DYM: variants seen among roughly 807,000 people sequenced by gnomAD.
DYM encodes the protein dymeclin, also known as dyggve-Melchior-Clausen syndrome protein.
Under a neutral mutation model 93.1 loss-of-function variants are expected in DYM, and 78 were observed. That is an observed-to-expected ratio of 0.84 (90% CI 0.70 to 1.01). DYM has a LOEUF of 1.01. DYM is among the 50% of genes least tolerant of loss of function. The pLI, the probability that DYM is intolerant of heterozygous loss-of-function variation, is 0.00. For synonymous variants in DYM, 321 were observed against 319.7 expected, an observed-to-expected ratio of 1.00 and a Z score of -0.04; for missense variants, 789 against 845.0, an observed-to-expected ratio of 0.93 and a Z score of 0.82.
chr18:49,266,562 G>A (rs865796058), intron 11 of DYM, among the ~76,000 whole-genome samples: 1 of 152,322 alleles, frequency 6.6e-6, no homozygotes, highest in African/African-American at 2.4e-5. Flanking sequence ...AGTGAGCAGC[G>A]ATTGTGCCAC....
chr18:49,201,254 T>C (rs1171182223), intron 14 of DYM, among the ~76,000 whole-genome samples: 1 of 152,234 alleles, frequency 6.6e-6, no homozygotes, highest in Admixed American at 6.5e-5. Context: ...CAGTTCCTAC[T>C]AATATTTCAT....
intron 14 of DYM, among the ~76,000 whole-genome samples, chr18:49,202,982 G>A (rs1470342733): frequency 3.3e-5 from 3 of 92,058 alleles, no homozygotes; most frequent in African/African-American, 4.0e-5. Context: ...CCGGCCAGCC[G>A]TGCCATCCGG....
chr18:49,158,595 GACATTTCCATCA>G (rs1490280719), intron 15 of DYM, among the ~76,000 whole-genome samples: 1 of 152,070 alleles, frequency 6.6e-6, no homozygotes, highest in African/African-American at 2.4e-5. Context: ...ATCTTTAAGG[GACATTTCCATCA>G]AGAACTAATA....
rs188487077 is a variant in DYM at position 49,407,106 on chromosome 18, C to T, written c.141-15461G>A. On this transcript the variant is annotated intron_variant, in intron 2 of 17. Transcript: ENST00000675505. ...GAAAAGAGCCCTTCTCAAAATGTTA[C>T]GTAATGTAAAATTCCATTTACATAA... Among the ~76,000 whole-genome samples the T allele has an allele frequency of 3.7e-4, 57 of 152,218 alleles. 1 individual carries two copies. The highest frequency in any genetic ancestry group is 1.3e-3 in the African/African-American group (53 of 41,546).
chr18:49,284,208 C>T (rs1160488958), intron 9 of DYM, among the ~76,000 whole-genome samples: 1 of 152,142 alleles, frequency 6.6e-6, no homozygotes, highest in Non-Finnish European at 1.5e-5. Context: ...ACATTACTAG[C>T]TAATAAATGC....
chr18:49,451,628 A>G (rs1407358175), intron 1 of DYM, among the ~76,000 whole-genome samples: 1 of 152,250 alleles, frequency 6.6e-6, no homozygotes, highest in Non-Finnish European at 1.5e-5. Context: ...ACAGAGTTCC[A>G]TCGAAGCCAA....
chr18:49,275,655 T>C (rs142391222), intron 10 of DYM, among the ~76,000 whole-genome samples: 96 of 152,152 alleles, frequency 6.3e-4, no homozygotes, highest in Admixed American at 1.4e-3. Flanking sequence ...TGTGGGAGGA[T>C]TGCTTGAGGC....
chr18:49,257,061 AT>A lies in DYM; in HGVS notation c.1408del (p.Met470CysfsTer61). The A allele has an allele frequency of 1.9e-6, 3 of 1,614,070 alleles. No individual in the cohort carries two copies. Among genetic ancestry groups the A allele is most frequent in the Non-Finnish European group, 2.5e-6 (3 of 1,179,942 alleles). ...ATGGAGAGAACGAAACTGTGCCGAC[AT>A]ATTTGCTAAAGCTGCCAAACAATTT... ...HTNCLAALAN[M>X]SAQFRSLHQY... On this transcript the variant is annotated frameshift_variant, in exon 13 of 18. Transcript: ENST00000675505. LOFTEE classifies it high-confidence loss of function.
chr18:49,142,004 C>A (rs2084553920), intron 15 of DYM, among the ~76,000 whole-genome samples: 1 of 151,510 alleles, frequency 6.6e-6, no homozygotes, highest in Non-Finnish European at 1.5e-5. Context: ...CAGGCGCCCA[C>A]CACCACGCCC....
intron 13 of DYM, among the ~76,000 whole-genome samples, chr18:49,230,183 T>G (rs139695611): frequency 2.0e-5 from 3 of 152,208 alleles, no homozygotes; most frequent in African/African-American, 7.2e-5. Flanking sequence ...AAAAGGGAAA[T>G]TTTCTACATG....
intron 2 of DYM, among the ~76,000 whole-genome samples, chr18:49,416,237 T>C (rs1331534287): frequency 1.3e-5 from 2 of 152,230 alleles, no homozygotes; most frequent in Non-Finnish European, 2.9e-5. Context: ...CCTATGAATC[T>C]ACATGGTAGG....
rs530594475 is a variant in DYM at position 49,325,316 on chromosome 18, A to G, written c.763+6548T>C. On this transcript the variant is annotated intron_variant, in intron 8 of 17. Transcript: ENST00000675505. ...ACCAGGCTTCCAGCAAATGAAATCT[A>G]TTCTATAAAAAACAGTCAAAAAATC... is the stretch of plus-strand genomic sequence containing the variant. 7.4e-4 allele frequency among the ~76,000 whole-genome samples: 113 copies of G among 152,338 alleles called. 2 individuals carry two copies. Among genetic ancestry groups the G allele is most frequent in the African/African-American group, 2.7e-3 (112 of 41,578 alleles).
chr18:49,380,120 A>C (rs2067905980), intron 3 of DYM, among the ~76,000 whole-genome samples: 1 of 152,210 alleles, frequency 6.6e-6, no homozygotes, highest in Non-Finnish European at 1.5e-5. Flanking sequence ...CTATGTCTCC[A>C]GTATATAGAA....
chr18:49,357,490 C>G (rs529664666), intron 6 of DYM, among the ~76,000 whole-genome samples: 1 of 152,284 alleles, frequency 6.6e-6, no homozygotes, highest in African/African-American at 2.4e-5. Context: ...CTTCCAGTAG[C>G]CCCTTTCTAC....
At chr18:49,351,063 A>G (rs1236597242) in intron 6 of DYM, among the ~76,000 whole-genome samples, 2 of 152,036 alleles carry the variant, frequency 1.3e-5, no homozygotes, top group African/African-American at 4.8e-5. Flanking sequence ...AAAAGTTGAG[A>G]TAAGAGAGGT....
chr18:49,285,227 A>T (rs1379153731), intron 9 of DYM, among the ~76,000 whole-genome samples: 1 of 152,210 alleles, frequency 6.6e-6, no homozygotes, highest in Non-Finnish European at 1.5e-5. Flanking sequence ...ACACACTGCA[A>T]ATAATACCAG....
At position 49,050,538 on chromosome 18, in the gene DYM, G is replaced by A. The variant is rs181118627; in HGVS notation, c.2026-6334C>T. On this transcript the variant is annotated intron_variant, in intron 17 of 17. Coordinates refer to ENST00000675505, the MANE Select transcript of DYM (RefSeq NM_001353214.3). Reference sequence around the variant, plus strand: ...ATCTTCCTGTAAGATCGTGCAGCACGTTCAACAACATCCAGCATGGCAGCT... The same window carrying A: ...ATCTTCCTGTAAGATCGTGCAGCACATTCAACAACATCCAGCATGGCAGCT... Among the ~76,000 whole-genome samples, 7 of 152,220 alleles carry A rather than the reference G, an allele frequency of 4.6e-5. No homozygotes were observed. The South Asian group carries it at 6.2e-4, about 14-fold the overall frequency.
At chr18:49,215,984 T>C (rs1205973884) in intron 13 of DYM, among the ~76,000 whole-genome samples, 1 of 152,028 alleles carries the variant, frequency 6.6e-6, no homozygotes, top group Non-Finnish European at 1.5e-5. Context: ...GGTCAGGGAG[T>C]TCCCTTTCCT....
chr18:49,080,150 C>T (rs868690155), intron 17 of DYM, among the ~76,000 whole-genome samples: 2 of 10,130 alleles, frequency 2.0e-4, no homozygotes, highest in African/African-American at 4.5e-4. Flanking sequence ...GGCGGCTGGC[C>T]GGGGGGGGGC....
Sources: allele counts gnomAD v4.1 joint callset (sites outside exome capture counted in the v4.1 genomes callset), GRCh38; gene constraint gnomAD v4.1.1; transcripts MANE v1.5; gene names NCBI Gene and HGNC (gene_info 2026-07-23, HGNC 2026-07-21).